PPFIBP2: variants seen among roughly 807,000 people sequenced by gnomAD.
PPFIBP2 encodes the protein liprin-beta-2.
A neutral mutation model predicts 118.3 loss-of-function variants in PPFIBP2; 118 were observed. The observed-to-expected ratio is 1.00, with a 90% CI of 0.86 to 1.16. The LOEUF (loss-of-function observed/expected upper bound fraction) is 1.16, where lower values mean the gene tolerates loss of function less well. PPFIBP2 is among the 50% of genes most tolerant of loss of function. PPFIBP2 has a pLI of 0.00. For synonymous variants in PPFIBP2, 414 were observed against 397.4 expected (o/e 1.04, Z -0.50); for missense variants, 1,195 against 1,073.1 (o/e 1.11, Z -1.59).
Position 7,558,434 on chromosome 11 carries a change from C to A in PPFIBP2, c.65-7119C>A, listed in dbSNP as rs568346171. ...GAACAACCCCAGTCACTACCACAGA[C>A]ATCCCTATGTGCTTTCGAAAGCGAT... On this transcript the variant is annotated intron_variant, in intron 2 of 23. Coordinates refer to ENST00000299492, the MANE Select transcript of PPFIBP2 (RefSeq NM_003621.5). 2.0e-4 allele frequency among the ~76,000 whole-genome samples: 31 copies of A among 152,326 alleles called. 1 individual carries two copies. In the South Asian group the frequency reaches 6.4e-3, roughly 32 times the overall value.
At chr11:7,579,796 A>G (rs1856991463) in intron 3 of PPFIBP2, among the ~76,000 whole-genome samples, 3 of 152,212 alleles carry the variant, frequency 2.0e-5, no homozygotes, top group African/African-American at 7.2e-5. Context: ...AGGATGACTC[A>G]TAGCAAAACA....
intron 1 of PPFIBP2, among the ~76,000 whole-genome samples, chr11:7,546,844 C>A (rs1026255243): frequency 4.6e-5 from 7 of 152,196 alleles, no homozygotes; most frequent in African/African-American, 1.7e-4. Flanking sequence ...AACTTGCACA[C>A]CTGCCTCTAT....
downstream of PPFIBP2, among the ~76,000 whole-genome samples, chr11:7,657,962 C>A (rs141167029): frequency 2.4e-3 from 372 of 152,300 alleles, no homozygotes; most frequent in African/African-American, 8.4e-3. Context: ...CCTCATCCAC[C>A]CACTCCTTCG....
chr11:7,621,939 T>C (rs1422007007), intron 7 of PPFIBP2, among the ~76,000 whole-genome samples: 1 of 152,200 alleles, frequency 6.6e-6, no homozygotes, highest in Non-Finnish European at 1.5e-5. Context: ...CCATAAAAAA[T>C]TAAAGGAATA....
In PPFIBP2 at chr11:7,587,682, G is replaced by A. The variant is rs143833234; in HGVS notation, c.280-5450G>A. ...CTTGCTGCAAACCAGCTTTTTCCAC[G>A]TGGAGCAGGACATGGCCACTGACAA... On this transcript the variant is annotated intron_variant, in intron 3 of 23. Transcript: ENST00000299492. Among the ~76,000 whole-genome samples the A allele has an allele frequency of 2.4e-3, 367 of 152,260 alleles. 3 individuals are homozygous for A. Among genetic ancestry groups the A allele is most frequent in the African/African-American group, 8.3e-3 (346 of 41,550 alleles).
At chr11:7,615,547 A>G (rs1052055509) in intron 6 of PPFIBP2, among the ~76,000 whole-genome samples, 7 of 152,204 alleles carry the variant, frequency 4.6e-5, no homozygotes, top group Non-Finnish European at 8.8e-5. Context: ...AGGGGCAGTA[A>G]TGGAGGGAGG....
At position 7,516,081 on chromosome 11, in the gene PPFIBP2, G is replaced by A. The variant is rs544413381; in HGVS notation, c.-37+1960G>A. Among the ~76,000 whole-genome samples, 158 of 152,352 alleles carry A rather than the reference G, an allele frequency of 1.0e-3. 2 individuals are homozygous for A. The highest frequency in any genetic ancestry group is 2.3e-3 in the Admixed American group (35 of 15,308). Reference sequence around the variant, plus strand: ...GCTATGCCTCATAATCGCCTGGGGAGTTTTGTAAAACGTTCAGATTAAGTA... The same window carrying A: ...GCTATGCCTCATAATCGCCTGGGGAATTTTGTAAAACGTTCAGATTAAGTA... On this transcript the variant is annotated intron_variant, in intron 1 of 23. Transcript: ENST00000299492.
chr11:7,537,532 C>T (rs1285128594), intron 1 of PPFIBP2, among the ~76,000 whole-genome samples: 9 of 152,208 alleles, frequency 5.9e-5, no homozygotes, highest in Non-Finnish European at 1.2e-4. Context: ...GTTGCCTAGT[C>T]CTGGCTCTTC....
In PPFIBP2 at chr11:7,650,983, C is replaced by G. The variant is rs201300272; in HGVS notation, c.2247+18C>G. ...GCCTCATTGTGAGTGGCTCTCTGGC[C>G]TAGCCCACCTGCCTTGGTGCAAATG... On this transcript the variant is annotated intron_variant, in intron 22 of 23. Transcript: ENST00000299492. 4 of 1,609,566 alleles carry G rather than the reference C, an allele frequency of 2.5e-6. No individual in the cohort carries two copies. The Admixed American group carries it at 5.0e-5, about 20-fold the overall frequency.
intron 3 of PPFIBP2, chr11:7,577,553 T>G: frequency 2.2e-6 from 1 of 456,622 alleles, no homozygotes; most frequent in South Asian, 1.5e-5. Context: ...AAGGGCTTTT[T>G]CCACCAAGGC....
chr11:7,620,034 G>A (rs1849155678), intron 6 of PPFIBP2, among the ~76,000 whole-genome samples: 1 of 152,188 alleles, frequency 6.6e-6, no homozygotes, highest in African/African-American at 2.4e-5. Context: ...ACAGTGCTTA[G>A]TGGAGTCATC....
At chr11:7,643,685 G>A (rs1852555861) in intron 17 of PPFIBP2, among the ~76,000 whole-genome samples, 2 of 152,200 alleles carry the variant, frequency 1.3e-5, no homozygotes, top group Admixed American at 6.5e-5. Flanking sequence ...ATGTCCTCTG[G>A]TGATATTTAT....
chr11:7,616,302 T>G lies in PPFIBP2; in HGVS notation c.619-4633T>G, dbSNP rs1193670759. 6.6e-6 allele frequency among the ~76,000 whole-genome samples: 1 copy of G among 152,072 alleles called. No individual in the cohort carries two copies. Among genetic ancestry groups the G allele is most frequent in the Non-Finnish European group, 1.5e-5 (1 of 68,008 alleles). ...TAAGGAATCAGGAAAATCAAATGAG[T>G]TGCTAGAAAACTGGAAATGAACCAT... On this transcript the variant is annotated intron_variant, in intron 6 of 23. Transcript: ENST00000299492. The surrounding 1 kb of genome is among the most constrained non-coding windows in gnomAD (Gnocchi z 5.2).
chr11:7,585,092 A>G (rs888233407), intron 3 of PPFIBP2, among the ~76,000 whole-genome samples: 6 of 152,238 alleles, frequency 3.9e-5, no homozygotes, highest in African/African-American at 1.4e-4. Context: ...TTACAGGCAA[A>G]GAGCCATCAT....
chr11:7,657,620 C>T (rs1269756764), downstream of PPFIBP2, among the ~76,000 whole-genome samples: 1 of 152,202 alleles, frequency 6.6e-6, no homozygotes, highest in Non-Finnish European at 1.5e-5. Context: ...TGTCTGTTTC[C>T]TCTCCACTCT....
chr11:7,639,917 G>A, intron 15 of PPFIBP2, 47 bp downstream of exon 15: 2 of 1,579,234 alleles, frequency 1.3e-6, no homozygotes, highest in Non-Finnish European at 1.7e-6. Flanking sequence ...AGTGTCCTTG[G>A]CACTTTCAAT....
At chr11:7,551,915 T>C (rs1180344646) in intron 2 of PPFIBP2, among the ~76,000 whole-genome samples, 1 of 152,166 alleles carries the variant, frequency 6.6e-6, no homozygotes, top group African/African-American at 2.4e-5. Context: ...GGGATGTGTG[T>C]GGAGAGAGGG....
intron 21 of PPFIBP2, among the ~76,000 whole-genome samples, chr11:7,650,228 C>T (rs543387723): frequency 6.6e-6 from 1 of 152,340 alleles, no homozygotes; most frequent in Non-Finnish European, 1.5e-5. Flanking sequence ...GATTGTCAGT[C>T]ACATCCTATC....
intron 15 of PPFIBP2, chr11:7,641,175 T>C: frequency 1.0e-6 from 1 of 959,544 alleles, no homozygotes; most frequent in Non-Finnish European, 1.5e-6. Context: ...CCTGCGTTCC[T>C]GCATCTCCCT....
Sources: allele counts gnomAD v4.1 joint callset (sites outside exome capture counted in the v4.1 genomes callset), GRCh38; gene constraint gnomAD v4.1.1; non-coding constraint Gnocchi (gnomAD v3.1); transcripts MANE v1.5; gene names NCBI Gene and HGNC (gene_info 2026-07-23, HGNC 2026-07-21).